The following RBMS1 variants were observed in gnomAD, a reference collection of about 807,000 sequenced individuals.
The protein encoded by RBMS1 is RNA binding motif single stranded interacting protein 1.
RBMS1 carries 17 observed loss-of-function variants against 62.3 expected under a neutral mutation model. The ratio of observed to expected loss-of-function variants is 0.27; its 90% CI spans 0.19 to 0.41. RBMS1 has a LOEUF of 0.41. Ranked by LOEUF, RBMS1 falls within the 10% of genes least tolerant of loss-of-function variation. The probability of loss-of-function intolerance (pLI) is 1.00; values close to 1 mark genes in which losing one functional copy is unlikely to be tolerated. For synonymous variants in RBMS1, 172 were observed against 170.0 expected (o/e 1.01, Z -0.09); for missense variants, 334 against 504.5 (o/e 0.66, Z 3.24).
At chr2:160,325,432 G>A (rs897182500) in intron 2 of RBMS1, among the ~76,000 whole-genome samples, 4 of 152,078 alleles carry the variant, frequency 2.6e-5, no homozygotes. Context: ...AAATGAATTT[G>A]AGGACTACAA....
chr2:160,289,828 C>T (rs1020369165), intron 6 of RBMS1, among the ~76,000 whole-genome samples: 1 of 151,604 alleles, frequency 6.6e-6, no homozygotes, highest in African/African-American at 2.4e-5. Context: ...ACAGCTTCTC[C>T]CTATAAGTTC....
intron 2 of RBMS1, among the ~76,000 whole-genome samples, chr2:160,323,824 A>G (rs1472457583): frequency 6.6e-6 from 1 of 152,182 alleles, no homozygotes; most frequent in Non-Finnish European, 1.5e-5. Context: ...AAGGGAGAGG[A>G]TAACAGGTAA....
intron 2 of RBMS1, among the ~76,000 whole-genome samples, chr2:160,336,823 T>C (rs1691599815): frequency 6.6e-6 from 1 of 152,174 alleles, no homozygotes; most frequent in African/African-American, 2.4e-5. Flanking sequence ...TACGCAGATA[T>C]AGATGTTTAT....
At chr2:160,456,482 T>C (rs1429782206) in intron 1 of RBMS1, among the ~76,000 whole-genome samples, 1 of 152,226 alleles carries the variant, frequency 6.6e-6, no homozygotes, top group Admixed American at 6.5e-5. Flanking sequence ...CCTTACTCCT[T>C]CTAATGGAAA....
chr2:160,430,495 C>G (rs776270749), intron 1 of RBMS1, among the ~76,000 whole-genome samples: 1 of 152,114 alleles, frequency 6.6e-6, no homozygotes, highest in Non-Finnish European at 1.5e-5. Context: ...AGATGTTTCT[C>G]TTAAGTAAAT....
chr2:160,318,251 AAGG>A (rs1690343485), intron 2 of RBMS1, 24 bp from the exon 3 acceptor site: 1 of 1,474,338 alleles, frequency 6.8e-7, no homozygotes, highest in Non-Finnish European at 9.0e-7. Context: ...AAAAAAAAAA[AAGG>A]AAAAAAAGAA....
intron 1 of RBMS1, among the ~76,000 whole-genome samples, chr2:160,445,234 C>A (rs1436137783): frequency 2.0e-5 from 3 of 152,104 alleles, no homozygotes; most frequent in African/African-American, 7.2e-5. Context: ...ATATTCACAT[C>A]AATACATGCA....
At chr2:160,304,113 G>GGGAAA (rs1689360601) in intron 4 of RBMS1, among the ~76,000 whole-genome samples, 1 of 152,046 alleles carries the variant, frequency 6.6e-6, no homozygotes, top group African/African-American at 2.4e-5. Context: ...AAGAGTAGAT[G>GGGAAA]GGAAAGGAAA....
chr2:160,326,153 G>C (rs1358408853), intron 2 of RBMS1, among the ~76,000 whole-genome samples: 2 of 152,186 alleles, frequency 1.3e-5, no homozygotes, highest in African/African-American at 4.8e-5. Context: ...TGAAAACCAG[G>C]CGCTGAAGGT....
intron 2 of RBMS1, among the ~76,000 whole-genome samples, chr2:160,354,410 T>A (rs993637051): frequency 1.3e-5 from 2 of 152,078 alleles, no homozygotes; most frequent in African/African-American, 4.8e-5. Context: ...TGAAATAGGT[T>A]AAGCATTGGA....
intron 1 of RBMS1, among the ~76,000 whole-genome samples, chr2:160,492,542 C>T (rs1241959281): frequency 1.3e-5 from 2 of 152,278 alleles, no homozygotes; most frequent in South Asian, 4.1e-4. Context: ...TCTTTTTTAA[C>T]CAAATACGAA....
chr2:160,426,829 C>T (rs151171601), intron 1 of RBMS1, among the ~76,000 whole-genome samples: 113 of 151,150 alleles, frequency 7.5e-4, no homozygotes, highest in Middle Eastern at 3.4e-3. Context: ...ATTAGTATCT[C>T]ACTGCTGGAG....
At chr2:160,422,337 C>T (rs1425373453) in intron 1 of RBMS1, among the ~76,000 whole-genome samples, 1 of 152,028 alleles carries the variant, frequency 6.6e-6, no homozygotes, top group Non-Finnish European at 1.5e-5. Context: ...CCTACACATC[C>T]ACTTTCTTTC....
intron 1 of RBMS1, among the ~76,000 whole-genome samples, chr2:160,386,056 GATTTC>G (rs1416732102): frequency 6.6e-6 from 1 of 152,204 alleles, no homozygotes; most frequent in Non-Finnish European, 1.5e-5. Context: ...GTAGTATGAT[GATTTC>G]ATTTCTTAAT....
chr2:160,481,692 A>G (rs1349115251), intron 1 of RBMS1, among the ~76,000 whole-genome samples: 1 of 152,238 alleles, frequency 6.6e-6, no homozygotes, highest in African/African-American at 2.4e-5. Flanking sequence ...AAAAATGATC[A>G]AAAAATTTGC....
chr2:160,286,062 G>C (rs1275340594), intron 7 of RBMS1, among the ~76,000 whole-genome samples: 1 of 152,014 alleles, frequency 6.6e-6, no homozygotes, highest in Non-Finnish European at 1.5e-5. Context: ...AGTGAGCGGA[G>C]ATCGTGCCAC....
chr2:160,375,596 A>T (rs187874034), intron 1 of RBMS1, among the ~76,000 whole-genome samples: 3 of 152,276 alleles, frequency 2.0e-5, no homozygotes, highest in South Asian at 2.1e-4. Flanking sequence ...TACATTTCAC[A>T]TTCTATTCAA....
intron 1 of RBMS1, chr2:160,402,152 T>C (rs1168463787): frequency 1.5e-5 from 2 of 137,298 alleles, no homozygotes; most frequent in African/African-American, 2.7e-5. Context: ...AACTACCCTG[T>C]GAAGTGGGCA....
intron 6 of RBMS1, among the ~76,000 whole-genome samples, chr2:160,293,017 T>C (rs1335537769): frequency 1.3e-5 from 2 of 152,206 alleles, no homozygotes; most frequent in African/African-American, 4.8e-5. Flanking sequence ...CAGCTCATGA[T>C]GCTGTGTGAG....
Sources: gnomAD v4.1 joint callset for allele counts (sites outside exome capture counted in the v4.1 genomes callset) on GRCh38, gnomAD v4.1.1 for gene constraint, MANE v1.5 for transcripts, NCBI Gene and HGNC (gene_info 2026-07-23, HGNC 2026-07-21) for gene names.